Variants in SLC5A10 observed in about 807,000 individuals in gnomAD.
SLC5A10 encodes the protein solute carrier family 5 member 10, also known as sodium/mannose cotransporter SLC5A10.
A neutral mutation model predicts 68.9 loss-of-function variants in SLC5A10; 55 were observed. The ratio of observed to expected loss-of-function variants is 0.80; its 90% CI spans 0.64 to 1.00. The LOEUF is 1.00. Ranked by LOEUF, SLC5A10 falls within the 50% of genes least tolerant of loss-of-function variation. The pLI, the probability that SLC5A10 is intolerant of heterozygous loss-of-function variation, is 0.00. For synonymous variants in SLC5A10, 344 were observed against 344.8 expected (o/e 1.00, Z 0.02); for missense variants, 732 against 819.3 (o/e 0.89, Z 1.30).
In SLC5A10 at chr17:19,019,778, G is replaced by T; in HGVS notation, c.1476G>T (p.Leu492=). The T allele has an allele frequency of 6.2e-7, 1 of 1,613,158 alleles. No homozygotes were observed. Among genetic ancestry groups the T allele is most frequent in the Non-Finnish European group, 8.5e-7 (1 of 1,179,792 alleles). Residue 492 remains leucine (L), a synonymous_variant, in exon 13 of 15, where the codon CTG becomes CTT. Transcript: ENST00000395645. ...CCACGAGGCTGGTCCTGGAATTCCTGAACCCAGCCCCACCGTGCGGAGAGC... is the reference window on the plus strand; with the variant it reads ...CCACGAGGCTGGTCCTGGAATTCCTTAACCCAGCCCCACCGTGCGGAGAGC... ...VGATRLVLEF[L]NPAPPCGEPD...
chr17:19,004,113 G>C lies in SLC5A10; in HGVS notation c.983-9297G>C. 1 of 1,463,698 alleles carries C rather than the reference G, an allele frequency of 6.8e-7. No individual in the cohort carries two copies. The highest frequency in any genetic ancestry group is 9.2e-7 in the Non-Finnish European group (1 of 1,091,056). The allele number at this position is 1,463,698 out of a possible 1,614,324, so 90.7% of individuals were successfully genotyped here. ...CCAGCTCCTAGCTCCGGCCCAGCTG[G>C]GGCACCGCGCGCTCGGGGGCCTCTC... On this transcript the variant is annotated intron_variant, in intron 9 of 14. Transcript: ENST00000395645. The surrounding 1 kb of genome is among the most constrained non-coding windows in gnomAD (Gnocchi z 5.4).
chr17:18,979,805 G>T, intron 9 of SLC5A10: 1 of 1,034,538 alleles, frequency 9.7e-7, no homozygotes, highest in South Asian at 1.5e-5. Context: ...AGGCTGTAAG[G>T]CCTGGAGAAA....
chr17:18,981,350 C>A (rs1201146478), intron 9 of SLC5A10, among the ~76,000 whole-genome samples: 2 of 152,082 alleles, frequency 1.3e-5, no homozygotes, highest in Non-Finnish European at 2.9e-5. Context: ...GCCTGCAGAG[C>A]GAGCAGGGGC....
At chr17:18,985,826 G>A (rs1169106245) in intron 9 of SLC5A10, among the ~76,000 whole-genome samples, 1 of 152,186 alleles carries the variant, frequency 6.6e-6, no homozygotes, top group Non-Finnish European at 1.5e-5. Flanking sequence ...AGTGCCAGCT[G>A]CCTTCCAGCT....
intron 9 of SLC5A10, among the ~76,000 whole-genome samples, chr17:19,009,285 A>C (rs1007660720): frequency 8.6e-5 from 13 of 152,004 alleles, no homozygotes; most frequent in Non-Finnish European, 1.6e-4. Context: ...TGCACCTCCC[A>C]TACTCAAACA....
intron 9 of SLC5A10, among the ~76,000 whole-genome samples, chr17:18,992,453 G>A (rs781479462): frequency 3.3e-5 from 5 of 152,210 alleles, no homozygotes; most frequent in Non-Finnish European, 7.3e-5. Flanking sequence ...ACACAAAGGA[G>A]AACCCCACCT....
rs2043569416 is a variant in SLC5A10 at position 18,996,248 on chromosome 17, G to A, written c.983-17162G>A. Among the ~76,000 whole-genome samples the A allele has an allele frequency of 6.6e-6, 1 of 152,076 alleles. No homozygotes were observed. The highest frequency in any genetic ancestry group is 1.9e-4 in the East Asian group (1 of 5,178). Reference sequence around the variant, plus strand: ...AAAAAGCTGAGAGAATTCATTACCAGCAGACCCGCACTCCCTCCTCCAGCT... The same window carrying A: ...AAAAAGCTGAGAGAATTCATTACCAACAGACCCGCACTCCCTCCTCCAGCT... On this transcript the variant is annotated intron_variant, in intron 9 of 14. Coordinates refer to ENST00000395645, the MANE Select transcript of SLC5A10 (RefSeq NM_001042450.4). This position sits in a 1 kb window ranked among gnomAD's most constrained non-coding sequence, Gnocchi z 4.4.
rs1165395311 is a variant in SLC5A10 at position 19,021,979 on chromosome 17, C to T, written c.*1548C>T. On this transcript the variant is annotated 3_prime_UTR_variant, in exon 15 of 15. Transcript: ENST00000395645. This position sits in a 1 kb window ranked among gnomAD's most constrained non-coding sequence, Gnocchi z 4.1. ...GCTGCTCACAGGTGCACGGGCTGCA[C>T]GTAACTCCGTGGGAAGAAGCCAACG... The T allele has an allele frequency of 1.3e-6, 2 of 1,575,252 alleles. No individual in the cohort carries two copies. Among genetic ancestry groups the T allele is most frequent in the Non-Finnish European group, 1.7e-6 (2 of 1,162,132 alleles).
intron 5 of SLC5A10, among the ~76,000 whole-genome samples, chr17:18,961,891 G>A (rs867470762): frequency 2.2e-4 from 33 of 152,246 alleles, no homozygotes; most frequent in Middle Eastern, 6.8e-3. Flanking sequence ...CTCATCCTTC[G>A]TGTGGGCAGG....
At chr17:18,961,822 A>G (rs1447240692) in intron 5 of SLC5A10, among the ~76,000 whole-genome samples, 1 of 152,152 alleles carries the variant, frequency 6.6e-6, no homozygotes, top group Non-Finnish European at 1.5e-5. Flanking sequence ...CGGCAGCCTC[A>G]GCCTGGCCTC....
chr17:19,004,164 A>G lies in SLC5A10; in HGVS notation c.983-9246A>G. The G allele has an allele frequency of 1.1e-6, 1 of 904,608 alleles. No individual in the cohort carries two copies. The highest frequency in any genetic ancestry group is 1.6e-6 in the Non-Finnish European group (1 of 636,216). The allele number at this position is 904,608 out of a possible 1,614,324, so 56.0% of individuals were successfully genotyped here. On this transcript the variant is annotated intron_variant, in intron 9 of 14. Coordinates refer to ENST00000395645, the MANE Select transcript of SLC5A10 (RefSeq NM_001042450.4). This position sits in a 1 kb window ranked among gnomAD's most constrained non-coding sequence, Gnocchi z 5.4. ...CGCGGCCTCTGCTTCTCTGCCCATG[A>G]GCAATCTGCGGGAAAGACCTGATGA... is the stretch of plus-strand genomic sequence containing the variant.
intron 9 of SLC5A10, among the ~76,000 whole-genome samples, chr17:19,007,228 G>A (rs1437689685): frequency 2.8e-5 from 4 of 144,046 alleles, no homozygotes; most frequent in African/African-American, 7.7e-5. Flanking sequence ...CTGATAGGTA[G>A]ATCATATCTT....
chr17:18,986,768 G>A (rs1215436357), intron 9 of SLC5A10, among the ~76,000 whole-genome samples: 3 of 152,258 alleles, frequency 2.0e-5, no homozygotes, highest in South Asian at 4.1e-4. Flanking sequence ...CAAAGCACTC[G>A]CTGGGCCTGG....
At chr17:18,992,436 G>C (rs1209694547) in intron 9 of SLC5A10, among the ~76,000 whole-genome samples, 1 of 152,230 alleles carries the variant, frequency 6.6e-6, no homozygotes. Context: ...AGGGGTGACA[G>C]CATCTCACAC....
At chr17:18,952,390 C>A in intron 1 of SLC5A10, 74 bp downstream of exon 1, 1 of 1,522,216 alleles carries the variant, frequency 6.6e-7, no homozygotes, top group Non-Finnish European at 8.9e-7. Flanking sequence ...CGGGGTCCAG[C>A]ATGTCCCTGT....
chr17:18,950,750 C>T (rs928379863), upstream of SLC5A10: 2 of 960,724 alleles, frequency 2.1e-6, no homozygotes, highest in Non-Finnish European at 2.5e-6. Context: ...GAGTCTCCCT[C>T]TGTTGCCCAG....
At position 19,021,526 on chromosome 17, in the gene SLC5A10, T is replaced by G; in HGVS notation, c.*1095T>G. On this transcript the variant is annotated 3_prime_UTR_variant, in exon 15 of 15. Transcript: ENST00000395645. This position sits in a 1 kb window ranked among gnomAD's most constrained non-coding sequence, Gnocchi z 4.1. The stretch of plus-strand genomic sequence containing the variant: ...ACAGCCTGAACAACTCCAGGGGCCT[T>G]TTGAGGGAGGGGCAGGCAGGCCCAG... The G allele has an allele frequency of 7.8e-5, 22 of 283,220 alleles. No homozygotes were observed. The highest frequency in any genetic ancestry group is 1.0e-4 in the Non-Finnish European group (16 of 152,662). 17.5% of individuals were successfully genotyped at this position (283,220 alleles called of 1,614,324 possible).
Position 19,021,791 on chromosome 17 carries a change from G to T in SLC5A10, c.*1360G>T. On this transcript the variant is annotated 3_prime_UTR_variant, in exon 15 of 15. Transcript: ENST00000395645. This position sits in a 1 kb window ranked among gnomAD's most constrained non-coding sequence, Gnocchi z 4.1. The stretch of plus-strand genomic sequence containing the variant: ...CTGGGTACCCTTGCTGGGGGACCTG[G>T]GCCATCCCAGTTTGTGCAGAGCGGC... 1 of 580,326 alleles carries T rather than the reference G, an allele frequency of 1.7e-6. No homozygotes were observed. The highest frequency in any genetic ancestry group is 2.6e-6 in the Non-Finnish European group (1 of 384,548). 35.9% of individuals were successfully genotyped at this position (580,326 alleles called of 1,614,324 possible).
chr17:18,960,458 G>C lies in SLC5A10; in HGVS notation c.349-90G>C, dbSNP rs563081863. The C allele has an allele frequency of 1.8e-4, 198 of 1,114,886 alleles. No individual in the cohort carries two copies. The African/African-American group carries it at 2.8e-3, about 16-fold the overall frequency. 69.1% of individuals were successfully genotyped at this position (1,114,886 alleles called of 1,614,324 possible). A position where few individuals can be genotyped will look rare whatever the true frequency, so the allele number is the denominator to read the frequency against. On this transcript the variant is annotated intron_variant, in intron 4 of 14. Transcript: ENST00000395645. The stretch of plus-strand genomic sequence containing the variant: ...GAGGCTCGCAGCTGCTTTGTGGCGG[G>C]GGGAGAGGCAGAGTGATTGAGACAG...
Sources: gnomAD v4.1 joint callset for allele counts (sites outside exome capture counted in the v4.1 genomes callset) on GRCh38, gnomAD v4.1.1 for gene constraint, Gnocchi (gnomAD v3.1) non-coding constraint, MANE v1.5 for transcripts, NCBI Gene and HGNC (gene_info 2026-07-23, HGNC 2026-07-21) for gene names.